FGD5: variants seen among roughly 807,000 people sequenced by gnomAD.
The protein encoded by FGD5 is FYVE, RhoGEF and PH domain-containing protein 5.
Under a neutral mutation model 133.4 loss-of-function variants are expected in FGD5, and 28 were observed. That is an observed-to-expected ratio of 0.21 (90% CI 0.16 to 0.29). FGD5 has a LOEUF of 0.29. FGD5 is among the 10% of genes least tolerant of loss of function. The pLI is 1.00. For missense variants in FGD5, 1,858 were observed against 1,895.2 expected (o/e 0.98, Z 0.36); for synonymous variants, 810 against 776.5 (o/e 1.04, Z -0.72).
intron 17 of FGD5, among the ~76,000 whole-genome samples, chr3:14,924,563 C>T (rs2038757368): frequency 6.6e-6 from 1 of 152,274 alleles, no homozygotes; most frequent in South Asian, 2.1e-4. Context: ...TCAGAACTGG[C>T]TAAACTCAAT....
At chr3:14,880,707 G>A in intron 3 of FGD5, 35 bp from the exon 4 acceptor site, 1 of 1,614,018 alleles carries the variant, frequency 6.2e-7, no homozygotes, top group Non-Finnish European at 8.5e-7. Context: ...ACAGGATGGG[G>A]ATTAATGCAG....
At chr3:14,839,715 G>A (rs187163355) in intron 1 of FGD5, among the ~76,000 whole-genome samples, 30 of 152,174 alleles carry the variant, frequency 2.0e-4, no homozygotes, top group East Asian at 3.9e-4. Flanking sequence ...GGTGGATCAC[G>A]AGGTCAGGAG....
intron 1 of FGD5, among the ~76,000 whole-genome samples, chr3:14,824,594 G>C (rs1407447701): frequency 6.6e-6 from 1 of 152,220 alleles, no homozygotes; most frequent in Non-Finnish European, 1.5e-5. Context: ...GGAAGAGGCT[G>C]GGCCGCAGTT....
intron 1 of FGD5, among the ~76,000 whole-genome samples, chr3:14,827,278 ATTC>A (rs561012739): frequency 0.046 from 5,520 of 119,698 alleles, 350 homozygotes; most frequent in African/African-American, 0.17. Flanking sequence ...CATTTCTGGT[ATTC>A]TTTTTTTTTT....
At chr3:14,812,403 G>T (rs927237956) in intron 1 of FGD5, among the ~76,000 whole-genome samples, 1 of 152,228 alleles carries the variant, frequency 6.6e-6, no homozygotes, top group African/African-American at 2.4e-5. Context: ...TAACAATGGT[G>T]AGAGCGTTTC....
chr3:14,824,685 C>T (rs1420015487), intron 1 of FGD5, among the ~76,000 whole-genome samples: 3 of 152,210 alleles, frequency 2.0e-5, no homozygotes, highest in Non-Finnish European at 4.4e-5. Flanking sequence ...TTTACCATTT[C>T]CATTATACTG....
At chr3:14,923,845 G>T (rs531183573) in intron 16 of FGD5, 163 bp from the exon 17 acceptor site, 3 of 908,244 alleles carry the variant, frequency 3.3e-6, no homozygotes, top group East Asian at 2.7e-5. Flanking sequence ...CATAGCCTTT[G>T]TCTGTTCCTG....
intron 9 of FGD5, among the ~76,000 whole-genome samples, chr3:14,903,343 T>C (rs1173635952): frequency 6.6e-6 from 1 of 152,154 alleles, no homozygotes; most frequent in East Asian, 1.9e-4. Flanking sequence ...GTGTTCTCTG[T>C]TATGAACATC....
At chr3:14,880,951 C>T (rs966971363) in intron 4 of FGD5, among the ~76,000 whole-genome samples, 179 bp downstream of exon 4, 1 of 152,182 alleles carries the variant, frequency 6.6e-6, no homozygotes, top group Admixed American at 6.5e-5. Flanking sequence ...CTTCCGGGGG[C>T]AGACAGCGGA....
intron 1 of FGD5, among the ~76,000 whole-genome samples, chr3:14,859,135 A>G (rs997670603): frequency 3.3e-5 from 5 of 152,240 alleles, no homozygotes; most frequent in African/African-American, 9.6e-5. Context: ...TTGATTGACA[A>G]ATCATAATCC....
At chr3:14,878,217 A>G (rs778401826) in intron 2 of FGD5, among the ~76,000 whole-genome samples, 4 of 152,208 alleles carry the variant, frequency 2.6e-5, no homozygotes, top group Non-Finnish European at 5.9e-5. Context: ...GTTATTCTCT[A>G]CCAGATCTCA....
rs2038438866 is a variant in FGD5 at position 14,911,034 on chromosome 3, A to G, written c.3405+105A>G. On this transcript the variant is annotated intron_variant, in intron 11 of 19. Transcript: ENST00000285046. ...TGGAATAGGGTGAGAGGAGAGTAGAACAGAGCAGACATTTGGGGGTGAGGA... is the reference window on the plus strand; with the variant it reads ...TGGAATAGGGTGAGAGGAGAGTAGAGCAGAGCAGACATTTGGGGGTGAGGA... 4 of 1,089,028 alleles carry G rather than the reference A, an allele frequency of 3.7e-6. No individual in the cohort carries two copies. In the South Asian group the frequency reaches 4.4e-5, roughly 12 times the overall value. 67.5% of individuals were successfully genotyped at this position (1,089,028 alleles called of 1,614,324 possible).
chr3:14,899,316 C>T (rs1424981846), intron 7 of FGD5, among the ~76,000 whole-genome samples: 1 of 152,178 alleles, frequency 6.6e-6, no homozygotes, highest in African/African-American at 2.4e-5. Flanking sequence ...CCATCCTCCA[C>T]TGCTCCATAA....
intron 1 of FGD5, among the ~76,000 whole-genome samples, chr3:14,828,390 A>G (rs1246060038): frequency 6.6e-6 from 1 of 152,186 alleles, no homozygotes; most frequent in Non-Finnish European, 1.5e-5. Context: ...TCCAATGAAA[A>G]TGTCTTCCTT....
intron 2 of FGD5, among the ~76,000 whole-genome samples, chr3:14,874,918 G>A (rs564430120): frequency 5.3e-5 from 8 of 152,274 alleles, no homozygotes; most frequent in Admixed American, 2.0e-4. Flanking sequence ...CCACTGTTGC[G>A]TCCCTCCTTC....
chr3:14,920,311 G>C (rs981528765), intron 13 of FGD5: 1 of 151,930 alleles, frequency 6.6e-6, no homozygotes, highest in Non-Finnish European at 1.5e-5. Flanking sequence ...TGTGAAATGG[G>C]ATCTAAATGC....
intron 9 of FGD5, 57 bp downstream of exon 9, chr3:14,901,118 C>A: frequency 6.4e-7 from 1 of 1,572,902 alleles, no homozygotes; most frequent in Non-Finnish European, 8.8e-7. Flanking sequence ...ACCTCCCCAC[C>A]AGCTCCGGTC....
At chr3:14,828,505 C>T (rs897637765) in intron 1 of FGD5, among the ~76,000 whole-genome samples, 3 of 152,114 alleles carry the variant, frequency 2.0e-5, no homozygotes, top group African/African-American at 7.2e-5. Flanking sequence ...GGCTTGAGGA[C>T]TAAACACAAA....
At chr3:14,847,269 TC>T (rs1213401080) in intron 1 of FGD5, among the ~76,000 whole-genome samples, 2 of 152,196 alleles carry the variant, frequency 1.3e-5, no homozygotes, top group Admixed American at 1.3e-4. Flanking sequence ...TCATTTTACC[TC>T]CCAGCCACCC....
Sources: allele counts gnomAD v4.1 joint callset (sites outside exome capture counted in the v4.1 genomes callset), GRCh38; gene constraint gnomAD v4.1.1; transcripts MANE v1.5; gene names NCBI Gene and HGNC (gene_info 2026-07-23, HGNC 2026-07-21).